The following RAP1GAP2 variants were observed in gnomAD, a reference collection of about 807,000 sequenced individuals.
The protein encoded by RAP1GAP2 is rap1 GTPase-activating protein 2.
RAP1GAP2 carries 27 observed loss-of-function variants against 95.0 expected under a neutral mutation model. The ratio of observed to expected loss-of-function variants is 0.28; its 90% CI spans 0.21 to 0.39. The LOEUF (loss-of-function observed/expected upper bound fraction) is 0.39. Ranked by LOEUF, RAP1GAP2 falls within the 10% of genes least tolerant of loss-of-function variation. The pLI is 1.00. For synonymous variants in RAP1GAP2, 373 were observed against 380.9 expected, an observed-to-expected ratio of 0.98 and a Z score of 0.24; for missense variants, 771 against 970.0, an observed-to-expected ratio of 0.79 and a Z score of 2.72.
chr17:2,825,202 G>A lies in RAP1GAP2; in HGVS notation c.80+24652G>A, dbSNP rs934608931. ...TCCCACCTTGGCCTCCTAAATTGCT[G>A]GTATTATGGGTGTGAGCCACCACAC... On this transcript the variant is annotated intron_variant, in intron 2 of 24. Coordinates refer to ENST00000254695, the MANE Select transcript of RAP1GAP2 (RefSeq NM_015085.5). This position sits in a 1 kb window ranked among gnomAD's most constrained non-coding sequence, Gnocchi z 4.1. Among the ~76,000 whole-genome samples the A allele has an allele frequency of 5.9e-5, 9 of 152,116 alleles. No homozygotes were observed. Among genetic ancestry groups the A allele is most frequent in the African/African-American group, 2.2e-4 (9 of 41,416 alleles).
chr17:2,852,645 G>A (rs945934890), intron 2 of RAP1GAP2, among the ~76,000 whole-genome samples: 2 of 152,248 alleles, frequency 1.3e-5, no homozygotes, highest in African/African-American at 4.8e-5. Flanking sequence ...GCCTCAGGGG[G>A]AACCTCTTCG....
chr17:3,024,632 AT>A (rs2047049515), intron 19 of RAP1GAP2, among the ~76,000 whole-genome samples: 1 of 152,238 alleles, frequency 6.6e-6, no homozygotes, highest in Non-Finnish European at 1.5e-5. Context: ...TGGCAGCACT[AT>A]TTATCATAGC....
At position 2,984,811 on chromosome 17, in the gene RAP1GAP2, T is replaced by A. The variant is rs17221982; in HGVS notation, c.730-172T>A. Among the ~76,000 whole-genome samples, 2,162 of 152,232 alleles carry A rather than the reference T, an allele frequency of 0.014. 169 individuals carry two copies. In the East Asian group the frequency reaches 0.21, roughly 15 times the overall value. ...TTTAGAAGCTAGCTGACTTTGGAGC[T>A]GCGGCCTGACTGTCTACTTATTATT... On this transcript the variant is annotated intron_variant, in intron 10 of 24. Transcript: ENST00000254695.
chr17:2,785,796 A>G (rs1450821730), intron 1 of RAP1GAP2, among the ~76,000 whole-genome samples: 1 of 151,876 alleles, frequency 6.6e-6, no homozygotes, highest in African/African-American at 2.4e-5. Flanking sequence ...TCGTCCTGCT[A>G]CACTGTGACC....
chr17:3,015,313 G>C (rs1180861760), intron 17 of RAP1GAP2, among the ~76,000 whole-genome samples: 91 of 152,090 alleles, frequency 6.0e-4, no homozygotes, highest in Non-Finnish European at 1.5e-5. Context: ...ACTGTCAGTA[G>C]CTCATCTAGG....
At chr17:2,788,125 G>C (rs992164924) in intron 1 of RAP1GAP2, among the ~76,000 whole-genome samples, 2 of 152,080 alleles carry the variant, frequency 1.3e-5, no homozygotes, top group African/African-American at 4.8e-5. Flanking sequence ...CAAAATTGTT[G>C]GCATAAAGGG....
chr17:2,885,780 C>G (rs954772249), intron 2 of RAP1GAP2, among the ~76,000 whole-genome samples: 1 of 152,234 alleles, frequency 6.6e-6, no homozygotes, highest in Admixed American at 6.5e-5. Context: ...AAGAGGGCCC[C>G]TTAATTCTCA....
At position 2,984,985 on chromosome 17, in the gene RAP1GAP2, C is replaced by T; in HGVS notation, c.732C>T (p.Ala244=). The T allele has an allele frequency of 6.2e-7, 1 of 1,605,814 alleles. No individual in the cohort carries two copies. The highest frequency in any genetic ancestry group is 8.5e-7 in the Non-Finnish European group (1 of 1,177,418). ...LRFNPVLYPK[A]SQMIVSYDEH... ...TTTTTTCTTGCCACATTTTCCAGGC[C>T]TCCCAAATGATTGTGTCCTATGATG... The change falls in exon 11 of 25, where the codon GCC becomes GCT. Residue 244 remains alanine (A), a splice_region_variant and synonymous_variant. Coordinates refer to ENST00000254695, the MANE Select transcript of RAP1GAP2 (RefSeq NM_015085.5).
At chr17:2,840,637 T>A (rs1414936428) in intron 2 of RAP1GAP2, among the ~76,000 whole-genome samples, 1 of 152,106 alleles carries the variant, frequency 6.6e-6, no homozygotes, top group Non-Finnish European at 1.5e-5. Context: ...GCATGAGCCA[T>A]CATGCCTGGC....
intron 17 of RAP1GAP2, among the ~76,000 whole-genome samples, chr17:3,014,456 T>C (rs8067163): frequency 0.66 from 100,317 of 151,986 alleles, 33,224 homozygotes; most frequent in Admixed American, 0.68. Flanking sequence ...CTGGACTGGA[T>C]TGCAGAATAT....
In RAP1GAP2 at chr17:3,020,744, T is replaced by C. The variant is rs556048312; in HGVS notation, c.1751+149T>C. The C allele has an allele frequency of 2.9e-4, 195 of 672,652 alleles. 2 individuals carry two copies. Among genetic ancestry groups the C allele is most frequent in the African/African-American group, 2.9e-3 (160 of 55,426 alleles). The allele number at this position is 672,652 out of a possible 1,614,324, so 41.7% of individuals were successfully genotyped here. On this transcript the variant is annotated intron_variant, in intron 19 of 24. Coordinates refer to ENST00000254695, the MANE Select transcript of RAP1GAP2 (RefSeq NM_015085.5). ...TGCCTTCAGGCACCTGTGTGTCCCCTGTCACTCACTCAGCTCTTTATCCAA... is the reference window on the plus strand; with the variant it reads ...TGCCTTCAGGCACCTGTGTGTCCCCCGTCACTCACTCAGCTCTTTATCCAA...
At chr17:2,885,877 G>A (rs2073477465) in intron 2 of RAP1GAP2, among the ~76,000 whole-genome samples, 1 of 152,192 alleles carries the variant, frequency 6.6e-6, no homozygotes, top group African/African-American at 2.4e-5. Context: ...CAGCATTATT[G>A]ACATTGATGC....
Position 3,008,169 on chromosome 17 carries a change from G to A in RAP1GAP2, c.1494+24G>A. ...AGGTATGAGCGTCAGAGTGACTGATGGTTGCTGTGGGGTTGGGATTGGGGA... is the reference window on the plus strand; with the variant it reads ...AGGTATGAGCGTCAGAGTGACTGATAGTTGCTGTGGGGTTGGGATTGGGGA... On this transcript the variant is annotated intron_variant, in intron 17 of 24. Coordinates refer to ENST00000254695, the MANE Select transcript of RAP1GAP2 (RefSeq NM_015085.5). The surrounding 1 kb of genome is among the most constrained non-coding windows in gnomAD (Gnocchi z 4.2). 3 of 1,613,352 alleles carry A rather than the reference G, an allele frequency of 1.9e-6. No individual in the cohort carries two copies. The highest frequency in any genetic ancestry group is 2.5e-6 in the Non-Finnish European group (3 of 1,179,412).
chr17:2,911,302 A>C (rs1342917917), intron 3 of RAP1GAP2, among the ~76,000 whole-genome samples: 1 of 145,820 alleles, frequency 6.9e-6, no homozygotes, highest in African/African-American at 2.6e-5. Flanking sequence ...AAAGCAACCA[A>C]AGAGATGCTG....
intron 3 of RAP1GAP2, among the ~76,000 whole-genome samples, chr17:2,935,086 T>C (rs2043263604): frequency 6.6e-6 from 1 of 152,204 alleles, no homozygotes; most frequent in Admixed American, 6.5e-5. Context: ...ACTTGGCCCC[T>C]GGAGGCTGAC....
At chr17:2,875,217 C>T (rs1421105463) in intron 2 of RAP1GAP2, among the ~76,000 whole-genome samples, 2 of 152,132 alleles carry the variant, frequency 1.3e-5, no homozygotes, top group African/African-American at 4.8e-5. Context: ...CAGGCGTGCA[C>T]CACCACGCCT....
intron 3 of RAP1GAP2, among the ~76,000 whole-genome samples, chr17:2,915,343 A>G (rs1450852695): frequency 6.8e-6 from 1 of 146,776 alleles, no homozygotes; most frequent in Non-Finnish European, 1.5e-5. Context: ...CCATCCTTCC[A>G]CCTCAGCCCC....
At chr17:2,940,199 C>T (rs932442684) in intron 3 of RAP1GAP2, among the ~76,000 whole-genome samples, 2 of 152,004 alleles carry the variant, frequency 1.3e-5, no homozygotes, top group South Asian at 2.1e-4. Context: ...TTGCCTGCCA[C>T]GGGTCATGGA....
chr17:2,790,827 G>A (rs1231236669), intron 1 of RAP1GAP2, among the ~76,000 whole-genome samples: 1 of 152,230 alleles, frequency 6.6e-6, no homozygotes, highest in Non-Finnish European at 1.5e-5. Flanking sequence ...ACACAGTGGA[G>A]GGGCTGCTGC....
Sources: allele counts gnomAD v4.1 joint callset (sites outside exome capture counted in the v4.1 genomes callset), GRCh38; gene constraint gnomAD v4.1.1; non-coding constraint Gnocchi (gnomAD v3.1); transcripts MANE v1.5; gene names NCBI Gene and HGNC (gene_info 2026-07-23, HGNC 2026-07-21).